SCNN1B: variants seen among roughly 807,000 people sequenced by gnomAD.
SCNN1B encodes epithelial sodium channel subunit beta.
A neutral mutation model predicts 65.3 loss-of-function variants in SCNN1B; 46 were observed. That is an observed-to-expected ratio of 0.70 (90% CI 0.56 to 0.90). The LOEUF (loss-of-function observed/expected upper bound fraction) is 0.90, where lower values mean the gene tolerates loss of function less well. SCNN1B is among the 40% of genes least tolerant of loss of function. The pLI, the probability that SCNN1B is intolerant of heterozygous loss-of-function variation, is 0.00. For missense variants in SCNN1B, 751 were observed against 830.5 expected (o/e 0.90, Z 1.18); for synonymous variants, 349 against 330.6 (o/e 1.06, Z -0.60).
At chr16:23,365,523 GAGAGAAAGAGAGAAGGAA>G (rs1962635265) in intron 4 of SCNN1B, among the ~76,000 whole-genome samples, 1 of 141,870 alleles carries the variant, frequency 7.0e-6, no homozygotes, top group African/African-American at 2.7e-5. Context: ...AAAAGAAAAA[GAGAGAAAGAGAGAAGGAA>G]AGAGAAAGAA....
At chr16:23,355,790 GA>G (rs1303685664) in intron 4 of SCNN1B, among the ~76,000 whole-genome samples, 1 of 151,636 alleles carries the variant, frequency 6.6e-6, no homozygotes, top group East Asian at 1.9e-4. Flanking sequence ...AATAGAAAAA[GA>G]AAAAGGAAAG....
At chr16:23,369,203 G>A (rs960156559) in intron 5 of SCNN1B, among the ~76,000 whole-genome samples, 1 of 152,140 alleles carries the variant, frequency 6.6e-6, no homozygotes, top group African/African-American at 2.4e-5. Context: ...AACCTCCTGG[G>A]CTCAGGTGAT....
At chr16:23,318,466 G>A (rs113042863) in intron 1 of SCNN1B, among the ~76,000 whole-genome samples, 10,464 of 152,086 alleles carry the variant, frequency 0.069, 1,231 homozygotes, top group African/African-American at 0.24. Context: ...AAAATTAGCC[G>A]GACGTGGTGG....
intron 4 of SCNN1B, 140 bp downstream of exon 4, chr16:23,355,629 C>G (rs542977597): frequency 2.4e-5 from 21 of 863,044 alleles, no homozygotes; most frequent in Admixed American, 4.0e-5. Flanking sequence ...TTCTGTGCCT[C>G]GGTGTCTTTT....
chr16:23,334,406 T>C (rs1395174242), intron 1 of SCNN1B, among the ~76,000 whole-genome samples: 1 of 152,162 alleles, frequency 6.6e-6, no homozygotes, highest in Non-Finnish European at 1.5e-5. Flanking sequence ...ACATGCATAC[T>C]GTATGCACAG....
intron 2 of SCNN1B, among the ~76,000 whole-genome samples, chr16:23,296,670 G>A (rs540293862): frequency 1.3e-5 from 2 of 152,242 alleles, no homozygotes; most frequent in East Asian, 1.9e-4. Flanking sequence ...CACAGGCAGG[G>A]AAGCACCCGG....
rs184326076 is a variant in SCNN1B at position 23,287,841 on chromosome 16, G to A, written n.178+4037G>A. Among the ~76,000 whole-genome samples the A allele has an allele frequency of 5.1e-4, 76 of 148,504 alleles. 1 individual carries two copies. The highest frequency in any genetic ancestry group is 3.5e-3 in the Middle Eastern group (1 of 284). On this transcript the variant is annotated intron_variant and non_coding_transcript_variant, in intron 2 of 3. Coordinates refer to the SCNN1B transcript ENST00000569789. ...TTTTTTTTTTAAGAGATGGGGTCTC[G>A]CTATGTAGCCCAGGCTGGTCTCCAA...
chr16:23,380,625 G>A lies in SCNN1B; in HGVS notation c.1747G>A (p.Glu583Lys). The A allele has an allele frequency of 1.2e-6, 2 of 1,613,762 alleles. No homozygotes were observed. Among genetic ancestry groups the A allele is most frequent in the South Asian group, 2.2e-5 (2 of 91,050 alleles). Residue 583 changes from glutamate to lysine, a missense_variant, in exon 13 of 13, where the codon GAG (glutamate) becomes AAG (lysine). Coordinates refer to ENST00000343070, the MANE Select transcript of SCNN1B (RefSeq NM_000336.3). This position sits in a 1 kb window ranked among gnomAD's most constrained non-coding sequence, Gnocchi z 5.4. ...ACCGCCCACCGTGGCCGAGCTGGTG[G>A]AGGCCCACACCAACTTTGGCTTCCA... ...GPPPTVAELV[E>K]AHTNFGFQPD...
chr16:23,301,457 G>GAAAGAAAGAAAAT (rs1198892549), upstream of SCNN1B, among the ~76,000 whole-genome samples: 13 of 134,670 alleles, frequency 9.7e-5, no homozygotes, highest in African/African-American at 4.3e-4. Flanking sequence ...AGAAAGAAAA[G>GAAAGAAAGAAAAT]AAAAGAAAAA....
chr16:23,331,731 G>T (rs1375527635), intron 1 of SCNN1B, among the ~76,000 whole-genome samples: 1 of 152,120 alleles, frequency 6.6e-6, no homozygotes, highest in African/African-American at 2.4e-5. Flanking sequence ...TGAATTTGGT[G>T]GGGGGACACA....
intron 1 of SCNN1B, among the ~76,000 whole-genome samples, chr16:23,337,854 C>T (rs1961976296): frequency 6.6e-6 from 1 of 151,884 alleles, no homozygotes; most frequent in Non-Finnish European, 1.5e-5. Flanking sequence ...ATCACTTGAA[C>T]CCAGGAGTTC....
rs564168414 is a variant in SCNN1B at position 23,282,932 on chromosome 16, CTTCAATATAAGTTGCTGTT to C, written n.111-803_111-785del. ...CTTCTGCTGCTGCTGTGTGCTGTGG[CTTCAATATAAGTTGCTGTT>C]TAACACTACCAGCTTGACCTTGAAT... On this transcript the variant is annotated intron_variant and non_coding_transcript_variant, in intron 1 of 3. Coordinates refer to the SCNN1B transcript ENST00000569789. Among the ~76,000 whole-genome samples, 6 of 152,336 alleles carry C rather than the reference CTTCAATATAAGTTGCTGTT, an allele frequency of 3.9e-5. No individual in the cohort carries two copies. In the East Asian group the frequency reaches 7.7e-4, roughly 20 times the overall value.
intron 1 of SCNN1B, among the ~76,000 whole-genome samples, chr16:23,318,365 T>C (rs965348226): frequency 3.9e-5 from 6 of 152,118 alleles, no homozygotes; most frequent in Admixed American, 2.6e-4. Flanking sequence ...TCCTAGCACT[T>C]TGGGAGGCCG....
rs540698812 is a variant in SCNN1B, at chr16:23,293,965, A to T, written n.178+10161A>T. Among the ~76,000 whole-genome samples the T allele has an allele frequency of 3.9e-5, 6 of 152,276 alleles. No homozygotes were observed. In the South Asian group the frequency reaches 1.2e-3, roughly 32 times the overall value. On this transcript the variant is annotated intron_variant and non_coding_transcript_variant, in intron 2 of 3. Transcript: ENST00000569789. ...TTAAATGGTAAATTTTATGTCATGC[A>T]TATATGTATATTTTGCCACAATAAA...
chr16:23,326,158 G>A (rs895710334), intron 1 of SCNN1B, among the ~76,000 whole-genome samples: 3 of 149,850 alleles, frequency 2.0e-5, no homozygotes, highest in Non-Finnish European at 4.4e-5. Context: ...AACTATCTTT[G>A]CCTAACAATA....
intron 1 of SCNN1B, among the ~76,000 whole-genome samples, chr16:23,332,821 C>T (rs1361742646): frequency 3.3e-5 from 5 of 152,062 alleles, no homozygotes; most frequent in African/African-American, 1.2e-4. Context: ...CCCGTAATCC[C>T]AGCACTTTGG....
chr16:23,296,454 G>A (rs1018480022), intron 2 of SCNN1B, among the ~76,000 whole-genome samples: 3 of 152,184 alleles, frequency 2.0e-5, no homozygotes, highest in Non-Finnish European at 4.4e-5. Flanking sequence ...CTCGAGGGCT[G>A]TCAGTTTGCA....
intron 4 of SCNN1B, among the ~76,000 whole-genome samples, chr16:23,361,883 T>C (rs1962560269): frequency 6.6e-6 from 1 of 152,110 alleles, no homozygotes; most frequent in Admixed American, 6.6e-5. Context: ...GCCCGATTAA[T>C]TTTTTTATTT....
At chr16:23,310,157 G>A (rs1961309882) in intron 1 of SCNN1B, among the ~76,000 whole-genome samples, 1 of 152,158 alleles carries the variant, frequency 6.6e-6, no homozygotes, top group African/African-American at 2.4e-5. Context: ...CGAGAGGATT[G>A]CTTGAGGCCA....
Sources: allele counts gnomAD v4.1 joint callset (sites outside exome capture counted in the v4.1 genomes callset), GRCh38; gene constraint gnomAD v4.1.1; non-coding constraint Gnocchi (gnomAD v3.1); transcripts MANE v1.5; gene names NCBI Gene and HGNC (gene_info 2026-07-23, HGNC 2026-07-21).